Variants in PRELID2 observed in about 807,000 individuals in gnomAD.
PRELID2 encodes the protein PRELI domain-containing protein 2.
Under a neutral mutation model 28.4 loss-of-function variants are expected in PRELID2, and 25 were observed. That is an observed-to-expected ratio of 0.88 (90% confidence interval 0.64 to 1.23). The LOEUF (loss-of-function observed/expected upper bound fraction) is 1.23, where lower values mean the gene tolerates loss of function less well. Among genes scored for constraint, PRELID2 ranks in the 50% most tolerant of loss-of-function variants. The pLI is 0.00. For missense variants in PRELID2, 201 were observed against 214.4 expected, an observed-to-expected ratio of 0.94 and a Z score of 0.39; for synonymous variants, 76 against 71.6, an observed-to-expected ratio of 1.06 and a Z score of -0.31.
At chr5:145,704,860 C>T (rs1008832386) in intron 1 of PRELID2, among the ~76,000 whole-genome samples, 2 of 152,162 alleles carry the variant, frequency 1.3e-5, no homozygotes, top group Non-Finnish European at 2.9e-5. Flanking sequence ...CTTGTACTGA[C>T]AGGGAGAGGC....
chr5:145,528,147 T>C lies in PRELID2; in HGVS notation n.71-54832A>G, dbSNP rs138015714. On this transcript the variant is annotated intron_variant and non_coding_transcript_variant, in intron 1 of 2. Coordinates refer to the PRELID2 transcript ENST00000510259. ...CTTAGACCTCATTGTTAAGGTCAAA[T>C]GTTCTATTTTTAAGCTCATAGATAG... 1.4e-3 allele frequency among the ~76,000 whole-genome samples: 209 copies of C among 152,254 alleles called. 2 individuals carry two copies. Among genetic ancestry groups the C allele is most frequent in the Middle Eastern group, 3.4e-3 (1 of 294 alleles).
the PRELID2 span, among the ~76,000 whole-genome samples, chr5:145,314,621 T>C: frequency 6.6e-6 from 1 of 152,052 alleles, no homozygotes; most frequent in Non-Finnish European, 1.5e-5. Context: ...ATAAATAATA[T>C]AATATCCTTA....
intron 5 of PRELID2, among the ~76,000 whole-genome samples, chr5:145,768,904 G>A (rs1471282453): frequency 6.6e-6 from 1 of 152,026 alleles, no homozygotes; most frequent in East Asian, 1.9e-4. Context: ...AATGGCGGCA[G>A]GGAGAGAGAG....
chr5:145,642,641 G>T (rs1336116794), intron 1 of PRELID2, among the ~76,000 whole-genome samples: 1 of 152,100 alleles, frequency 6.6e-6, no homozygotes, highest in Non-Finnish European at 1.5e-5. Flanking sequence ...GGATTTTTAT[G>T]GTTTTAGGTC....
At chr5:145,238,795 G>T in the PRELID2 span, among the ~76,000 whole-genome samples, 11 of 151,850 alleles carry the variant, frequency 7.2e-5, no homozygotes, top group Non-Finnish European at 1.6e-4. Context: ...AATTACTTAG[G>T]ACACTTCATA....
At chr5:145,795,530 G>A (rs954799447) in intron 5 of PRELID2, 3 of 151,958 alleles carry the variant, frequency 2.0e-5, no homozygotes, top group Admixed American at 2.0e-4. Context: ...TGAAAACAAG[G>A]GTCCATTGCC....
At chr5:145,270,111 A>G in the PRELID2 span, among the ~76,000 whole-genome samples, 24 of 151,776 alleles carry the variant, frequency 1.6e-4, no homozygotes, top group African/African-American at 5.8e-4. Context: ...ATGTGGAGCA[A>G]CCACATCTGT....
At chr5:145,364,506 G>C in the PRELID2 span, among the ~76,000 whole-genome samples, 1 of 151,894 alleles carries the variant, frequency 6.6e-6, no homozygotes, top group Non-Finnish European at 1.5e-5. Flanking sequence ...GAGAACATTT[G>C]TTTTATCTAC....
the PRELID2 span, among the ~76,000 whole-genome samples, chr5:145,304,710 G>C: frequency 6.6e-6 from 1 of 152,032 alleles, no homozygotes; most frequent in Admixed American, 6.5e-5. Flanking sequence ...TATCAATGCT[G>C]AGATTTAGGC....
intron 1 of PRELID2, chr5:145,834,570 ACT>A (rs1277632852): frequency 1.3e-5 from 2 of 152,036 alleles, no homozygotes; most frequent in East Asian, 1.9e-4. Flanking sequence ...GCTCGAATGA[ACT>A]CTCTTTTTAT....
rs141408708 is a variant in PRELID2 at position 145,621,445 on chromosome 5, A to T, written n.70+143486T>A. On this transcript the variant is annotated intron_variant and non_coding_transcript_variant, in intron 1 of 2. Coordinates refer to the PRELID2 transcript ENST00000510259. ...TATATCTACACAAAAACTTGTACACACCACTGTTTTTAGCAACATTAGTGA... is the reference window on the plus strand; with the variant it reads ...TATATCTACACAAAAACTTGTACACTCCACTGTTTTTAGCAACATTAGTGA... Among the ~76,000 whole-genome samples, 433 of 152,290 alleles carry T rather than the reference A, an allele frequency of 2.8e-3. 2 individuals carry two copies. Among genetic ancestry groups the T allele is most frequent in the Non-Finnish European group, 3.9e-3 (262 of 68,012 alleles).
chr5:145,321,625 A>G, the PRELID2 span, among the ~76,000 whole-genome samples: 2 of 152,216 alleles, frequency 1.3e-5, no homozygotes, highest in East Asian at 1.9e-4. Context: ...TTTATTGGAC[A>G]TAAGAGGGAA....
At chr5:145,255,972 G>C in the PRELID2 span, among the ~76,000 whole-genome samples, 1 of 151,804 alleles carries the variant, frequency 6.6e-6, no homozygotes, top group Non-Finnish European at 1.5e-5. Flanking sequence ...TCCAAACTTG[G>C]TAAGAGACAT....
chr5:145,428,213 C>T, the PRELID2 span, among the ~76,000 whole-genome samples: 1 of 152,236 alleles, frequency 6.6e-6, no homozygotes, highest in Non-Finnish European at 1.5e-5. Context: ...TCCATCTCAG[C>T]CTCCCAAAGT....
At chr5:145,381,436 A>C in the PRELID2 span, among the ~76,000 whole-genome samples, 1 of 152,108 alleles carries the variant, frequency 6.6e-6, no homozygotes, top group Non-Finnish European at 1.5e-5. Context: ...AATGGCAAAA[A>C]CCACAATTAG....
the PRELID2 span, among the ~76,000 whole-genome samples, chr5:145,274,338 G>C: frequency 6.6e-6 from 1 of 152,112 alleles, no homozygotes; most frequent in Non-Finnish European, 1.5e-5. Context: ...TTAACAAGCA[G>C]TGCAGCAGAA....
intron 1 of PRELID2, among the ~76,000 whole-genome samples, chr5:145,559,199 G>A (rs1351889200): frequency 6.6e-6 from 1 of 151,924 alleles, no homozygotes; most frequent in Admixed American, 6.5e-5. Flanking sequence ...AGCTGGCAGT[G>A]AGCCGAGATT....
the PRELID2 span, among the ~76,000 whole-genome samples, chr5:145,398,505 C>T: frequency 6.6e-6 from 1 of 152,076 alleles, no homozygotes; most frequent in Non-Finnish European, 1.5e-5. Context: ...CTCTGCATAC[C>T]AGTTTTCCCC....
intron 1 of PRELID2, among the ~76,000 whole-genome samples, chr5:145,743,073 C>A (rs1756880161): frequency 6.6e-6 from 1 of 151,816 alleles, no homozygotes; most frequent in African/African-American, 2.4e-5. Context: ...GGGGGCGGGG[C>A]TAAAATGACG....
Sources: allele counts gnomAD v4.1 joint callset (sites outside exome capture counted in the v4.1 genomes callset), GRCh38; gene constraint gnomAD v4.1.1; transcripts MANE v1.5; gene names NCBI Gene and HGNC (gene_info 2026-07-23, HGNC 2026-07-21).